CLOCK: variants seen among roughly 807,000 people sequenced by gnomAD.
CLOCK encodes the protein clock circadian regulator, also known as circadian locomoter output cycles protein kaput.
A neutral mutation model predicts 118.4 loss-of-function variants in CLOCK; 43 were observed. The ratio of observed to expected loss-of-function variants is 0.36; its 90% CI spans 0.28 to 0.47. The LOEUF is 0.47. Ranked by LOEUF, CLOCK falls within the 20% of genes least tolerant of loss-of-function variation. CLOCK has a pLI of 1.00. For missense variants in CLOCK, 846 were observed against 999.9 expected, an observed-to-expected ratio of 0.85 and a Z score of 2.08; for synonymous variants, 326 against 339.2, an observed-to-expected ratio of 0.96 and a Z score of 0.43.
Position 55,443,950 on chromosome 4 carries a change from G to A in CLOCK, c.1693-54C>T, listed in dbSNP as rs988621787. 3.3e-6 allele frequency: 5 copies of A among 1,529,052 alleles called. No homozygotes were observed. In the African/African-American group the frequency reaches 4.1e-5, roughly 13 times the overall value. 94.7% of individuals were successfully genotyped at this position (1,529,052 alleles called of 1,614,324 possible). ...AGCTTTGTAGATTGAAAAGAAGAATGAGCATTAAAAAGAAGGCAAAATCAA... is the reference window on the plus strand; with the variant it reads ...AGCTTTGTAGATTGAAAAGAAGAATAAGCATTAAAAAGAAGGCAAAATCAA... On this transcript the variant is annotated intron_variant, in intron 19 of 22. Transcript: ENST00000513440.
chr4:55,490,503 A>G (rs182309314), intron 2 of CLOCK, among the ~76,000 whole-genome samples: 7 of 152,262 alleles, frequency 4.6e-5, no homozygotes, highest in African/African-American at 1.7e-4. Context: ...ACAGTGTATC[A>G]GTACAGTCAT....
At chr4:55,465,727 G>A (rs574610938) in intron 8 of CLOCK, among the ~76,000 whole-genome samples, 2 of 152,226 alleles carry the variant, frequency 1.3e-5, no homozygotes, top group South Asian at 4.1e-4. Flanking sequence ...TGAGGCAGGT[G>A]GACTGTCTGA....
At chr4:55,448,599 CGCGTGTGTGTGTGTGTGTGT>C (rs1239630478) in intron 18 of CLOCK, among the ~76,000 whole-genome samples, 160 bp downstream of exon 18, 7 of 105,666 alleles carry the variant, frequency 6.6e-5, no homozygotes, top group East Asian at 5.3e-4. Context: ...CGCGCACGCG[CGCGTGTGTGTGTGTGTGTGT>C]GTGTGTGTGT....
chr4:55,485,185 G>A (rs1363436481), intron 3 of CLOCK, among the ~76,000 whole-genome samples: 1 of 151,930 alleles, frequency 6.6e-6, no homozygotes, highest in Non-Finnish European at 1.5e-5. Flanking sequence ...GGCTGGTCTC[G>A]AACTCCTCAA....
chr4:55,506,236 CAG>C (rs1326219038), intron 2 of CLOCK, among the ~76,000 whole-genome samples: 1 of 152,032 alleles, frequency 6.6e-6, no homozygotes, highest in Non-Finnish European at 1.5e-5. Context: ...TTTTTTGAGA[CAG>C]GGCCTAACTA....
At chr4:55,486,779 T>A (rs942648442) in intron 3 of CLOCK, among the ~76,000 whole-genome samples, 1 of 152,190 alleles carries the variant, frequency 6.6e-6, no homozygotes, top group African/African-American at 2.4e-5. Context: ...TTTATTTCAC[T>A]CTGGAAACTC....
intron 5 of CLOCK, chr4:55,479,196 G>T: frequency 4.7e-6 from 2 of 422,116 alleles, no homozygotes; most frequent in Non-Finnish European, 4.2e-6. Context: ...TTATGAAAAT[G>T]CCAATAAGAA....
intron 1 of CLOCK, among the ~76,000 whole-genome samples, chr4:55,519,992 C>T (rs539145859): frequency 6.6e-6 from 1 of 152,168 alleles, no homozygotes; most frequent in East Asian, 1.9e-4. Context: ...TATTAGGGCC[C>T]TGACTTAGAC....
intron 1 of CLOCK, among the ~76,000 whole-genome samples, chr4:55,542,850 C>CA (rs372362741): frequency 6.6e-6 from 1 of 152,084 alleles, no homozygotes; most frequent in East Asian, 1.9e-4. Flanking sequence ...GAAAAAAAAT[C>CA]AAAGTTTAAC....
At chr4:55,521,779 ATATCT>A (rs1276567800) in intron 1 of CLOCK, among the ~76,000 whole-genome samples, 1 of 152,152 alleles carries the variant, frequency 6.6e-6, no homozygotes, top group Non-Finnish European at 1.5e-5. Context: ...ATTTTTACTA[ATATCT>A]TATATTGATT....
chr4:55,505,428 C>T (rs536372403), intron 2 of CLOCK, among the ~76,000 whole-genome samples: 3 of 152,074 alleles, frequency 2.0e-5, no homozygotes, highest in South Asian at 2.1e-4. Flanking sequence ...CTTTGGGAGG[C>T]GGAGGCAGGC....
chr4:55,491,129 C>T (rs1313027424), intron 2 of CLOCK, among the ~76,000 whole-genome samples: 1 of 146,886 alleles, frequency 6.8e-6, no homozygotes, highest in Non-Finnish European at 1.5e-5. Context: ...CAAACGAAAA[C>T]ACAACATACC....
intron 1 of CLOCK, among the ~76,000 whole-genome samples, chr4:55,542,620 T>C (rs1731356130): frequency 6.6e-6 from 1 of 151,896 alleles, no homozygotes; most frequent in Non-Finnish European, 1.5e-5. Flanking sequence ...GAGGGATGGA[T>C]GGAGGAGAGG....
intron 13 of CLOCK, among the ~76,000 whole-genome samples, chr4:55,454,712 T>C (rs183394507): frequency 1.1e-4 from 16 of 152,008 alleles, no homozygotes; most frequent in African/African-American, 3.6e-4. Context: ...ACCTAGAGTA[T>C]GCTAATGCAT....
intron 9 of CLOCK, among the ~76,000 whole-genome samples, chr4:55,460,076 T>C (rs755456603): frequency 6.6e-6 from 1 of 152,230 alleles, no homozygotes; most frequent in Non-Finnish European, 1.5e-5. Context: ...CTTCCATATA[T>C]TCATTTCCCT....
intron 8 of CLOCK, among the ~76,000 whole-genome samples, chr4:55,465,592 A>G (rs769032155): frequency 3.4e-4 from 51 of 152,168 alleles, no homozygotes; most frequent in Non-Finnish European, 6.8e-4. Flanking sequence ...CCAAAAATAT[A>G]TCTGTATTTC....
chr4:55,503,312 G>C (rs940368344), intron 2 of CLOCK, among the ~76,000 whole-genome samples: 7 of 152,128 alleles, frequency 4.6e-5, no homozygotes, highest in Non-Finnish European at 4.4e-5. Context: ...AGCAACAACA[G>C]AAAAGATGAA....
intron 3 of CLOCK, among the ~76,000 whole-genome samples, chr4:55,487,592 G>T (rs558955414): frequency 3.3e-5 from 5 of 152,162 alleles, no homozygotes; most frequent in African/African-American, 1.2e-4. Flanking sequence ...CCTTACTAGG[G>T]AATAAATCTC....
At chr4:55,513,437 A>C (rs1220301871) in intron 1 of CLOCK, among the ~76,000 whole-genome samples, 2 of 152,126 alleles carry the variant, frequency 1.3e-5, no homozygotes, top group Non-Finnish European at 2.9e-5. Context: ...CCTGTCATTA[A>C]GTGACACATG....
Sources: gnomAD v4.1 joint callset for allele counts (sites outside exome capture counted in the v4.1 genomes callset) on GRCh38, gnomAD v4.1.1 for gene constraint, MANE v1.5 for transcripts, NCBI Gene and HGNC (gene_info 2026-07-23, HGNC 2026-07-21) for gene names.